The following BNC2 variants were observed in gnomAD, a reference collection of about 807,000 sequenced individuals.
BNC2 encodes the protein basonuclin zinc finger protein 2, also known as zinc finger protein basonuclin-2.
A neutral mutation model predicts 76.3 loss-of-function variants in BNC2; 20 were observed. The ratio of observed to expected loss-of-function variants is 0.26; its 90% CI spans 0.18 to 0.38. BNC2 has a LOEUF of 0.38. Among genes scored for constraint, BNC2 ranks in the 10% least tolerant of loss-of-function variants. The pLI is 1.00. For missense variants in BNC2, 1,382 were observed against 1,399.8 expected (o/e 0.99, Z 0.20); for synonymous variants, 582 against 514.8 (o/e 1.13, Z -1.77).
chr9:16,801,909 A>G (rs752018865), intron 1 of BNC2, among the ~76,000 whole-genome samples: 5 of 152,174 alleles, frequency 3.3e-5, no homozygotes, highest in Admixed American at 6.5e-5. Flanking sequence ...AGTTATCATT[A>G]TATAAGTAAA....
At position 16,522,424 on chromosome 9, in the gene BNC2, G is replaced by A. The variant is rs73417448; in HGVS notation, c.669+30106C>T. 7.6e-3 allele frequency among the ~76,000 whole-genome samples: 1,164 copies of A among 152,270 alleles called. 10 individuals carry two copies. Among genetic ancestry groups the A allele is most frequent in the African/African-American group, 0.026 (1,067 of 41,556 alleles). The stretch of plus-strand genomic sequence containing the variant: ...CCGGCATCTGGTCTCCATTGCTGTC[G>A]GGTTTTTGTTCCATGTAAGACCTTA... On this transcript the variant is annotated intron_variant, in intron 5 of 6. Coordinates refer to ENST00000380672, the MANE Select transcript of BNC2 (RefSeq NM_017637.6).
At chr9:16,626,507 T>C (rs1296437622) in intron 3 of BNC2, 1 of 152,074 alleles carries the variant, frequency 6.6e-6, no homozygotes, top group Non-Finnish European at 1.5e-5. Flanking sequence ...ACAAATCAAG[T>C]AGCAGTCATG....
At chr9:16,732,162 A>AAAAAAAAAAAAAAAAAAAAAG (rs59888253) in intron 2 of BNC2, among the ~76,000 whole-genome samples, 146 of 122,418 alleles carry the variant, frequency 1.2e-3, no homozygotes, top group Non-Finnish European at 1.9e-3. Flanking sequence ...TCCTGCAAAA[A>AAAAAAAAAAAAAAAAAAAAAG]AAAAAGAAAA....
At chr9:16,445,050 A>G (rs980014778) in intron 5 of BNC2, among the ~76,000 whole-genome samples, 1 of 152,208 alleles carries the variant, frequency 6.6e-6, no homozygotes, top group Non-Finnish European at 1.5e-5. Context: ...TGTAAGTATG[A>G]GCAGGCAAGA....
intron 4 of BNC2, among the ~76,000 whole-genome samples, chr9:16,554,536 G>C (rs1818763155): frequency 6.6e-6 from 1 of 152,142 alleles, no homozygotes; most frequent in Admixed American, 6.5e-5. Context: ...TGAATAAATA[G>C]CCTTAAAAAT....
At chr9:16,720,681 A>G (rs544325945) in intron 3 of BNC2, among the ~76,000 whole-genome samples, 1 of 152,372 alleles carries the variant, frequency 6.6e-6, no homozygotes, top group East Asian at 1.9e-4. Context: ...TTTTGTTGTT[A>G]AAGGATCAAT....
At chr9:16,812,156 GCACAGATCC>G (rs1347122000) in intron 1 of BNC2, among the ~76,000 whole-genome samples, 1 of 152,190 alleles carries the variant, frequency 6.6e-6, no homozygotes, top group Non-Finnish European at 1.5e-5. Context: ...ACTGAAGAGG[GCACAGATCC>G]TCAGTCTCTG....
At chr9:16,720,316 G>C (rs540024106) in intron 3 of BNC2, among the ~76,000 whole-genome samples, 2 of 152,306 alleles carry the variant, frequency 1.3e-5, no homozygotes, top group East Asian at 3.9e-4. Flanking sequence ...AAGTAAGGAG[G>C]AATTCAGAAT....
intron 1 of BNC2, among the ~76,000 whole-genome samples, chr9:16,766,327 G>A (rs143635627): frequency 3.0e-4 from 45 of 152,182 alleles, no homozygotes; most frequent in African/African-American, 1.1e-3. Context: ...AGGGATGAGG[G>A]GAATCCTCAT....
intron 1 of BNC2, among the ~76,000 whole-genome samples, chr9:16,768,880 C>T (rs143329844): frequency 1.9e-4 from 29 of 152,008 alleles, no homozygotes; most frequent in South Asian, 1.5e-3. Flanking sequence ...GGTTCAGAAA[C>T]GAGAGAAAGA....
At chr9:16,550,285 T>C (rs2132505936) in intron 5 of BNC2, among the ~76,000 whole-genome samples, 1 of 152,314 alleles carries the variant, frequency 6.6e-6, no homozygotes, top group Non-Finnish European at 1.5e-5. Flanking sequence ...CAGCTATTGT[T>C]AGTGTTAGTA....
intron 3 of BNC2, among the ~76,000 whole-genome samples, chr9:16,630,798 G>A (rs541944766): frequency 1.5e-4 from 23 of 150,736 alleles, no homozygotes; most frequent in African/African-American, 5.4e-4. Flanking sequence ...GGAGGGCAAC[G>A]GTGCGATCTC....
chr9:16,493,144 A>G (rs1822313132), intron 5 of BNC2, among the ~76,000 whole-genome samples: 1 of 152,216 alleles, frequency 6.6e-6, no homozygotes, highest in South Asian at 2.1e-4. Flanking sequence ...GAAATAAAGT[A>G]CGCACGCAGA....
In BNC2 at chr9:16,870,542, G is replaced by A. The variant is rs1392732947; in HGVS notation, c.3+104C>T. On this transcript the variant is annotated intron_variant, in intron 1 of 6. Transcript: ENST00000380672. The stretch of plus-strand genomic sequence containing the variant: ...CCCCTTGCCCCTCACGCCGCGGGCC[G>A]GAGGGCGGACACGGCCCCCGGGCGG... 7.3e-6 allele frequency: 10 copies of A among 1,369,218 alleles called. No homozygotes were observed. The East Asian group carries it at 2.4e-4, about 32-fold the overall frequency. 84.8% of individuals were successfully genotyped at this position (1,369,218 alleles called of 1,614,324 possible).
chr9:16,843,782 TCAAA>T (rs560276497), intron 1 of BNC2, among the ~76,000 whole-genome samples: 159 of 152,318 alleles, frequency 1.0e-3, no homozygotes, highest in Admixed American at 2.6e-3. Flanking sequence ...ACGCTTTTCA[TCAAA>T]CAGTTACTCC....
intron 3 of BNC2, among the ~76,000 whole-genome samples, chr9:16,642,363 G>C (rs2133862503): frequency 6.6e-6 from 1 of 152,180 alleles, no homozygotes. Flanking sequence ...CATCTCCAAA[G>C]TTCTTTCAGG....
chr9:16,506,520 T>G (rs1281393376), intron 5 of BNC2, among the ~76,000 whole-genome samples: 65 of 84,164 alleles, frequency 7.7e-4, no homozygotes, highest in African/African-American at 2.7e-3. Context: ...CCTCTTTTTT[T>G]TTTTTTTTTT....
intron 1 of BNC2, among the ~76,000 whole-genome samples, chr9:16,831,102 A>G (rs928046738): frequency 6.6e-6 from 1 of 152,220 alleles, no homozygotes; most frequent in African/African-American, 2.4e-5. Flanking sequence ...TCAAGGTCCA[A>G]TATATAAAAT....
chr9:16,596,465 T>C (rs1052586948), intron 3 of BNC2, among the ~76,000 whole-genome samples: 2 of 152,134 alleles, frequency 1.3e-5, no homozygotes, highest in African/African-American at 4.8e-5. Context: ...ATTTCTAAGA[T>C]AGCAACAATG....
Sources: gnomAD v4.1 joint callset for allele counts (sites outside exome capture counted in the v4.1 genomes callset) on GRCh38, gnomAD v4.1.1 for gene constraint, MANE v1.5 for transcripts, NCBI Gene and HGNC (gene_info 2026-07-23, HGNC 2026-07-21) for gene names.